DVL3: variants seen among roughly 807,000 people sequenced by gnomAD.
The protein encoded by DVL3 is segment polarity protein dishevelled homolog DVL-3.
A neutral mutation model predicts 67.4 loss-of-function variants in DVL3; 27 were observed. The observed-to-expected ratio is 0.40, with a 90% CI of 0.30 to 0.55. The LOEUF is 0.55. Among genes scored for constraint, DVL3 ranks in the 20% least tolerant of loss-of-function variants. DVL3 has a pLI of 0.46. For missense variants in DVL3, 819 were observed against 1,021.5 expected, an observed-to-expected ratio of 0.80 and a Z score of 2.70; for synonymous variants, 369 against 396.8, an observed-to-expected ratio of 0.93 and a Z score of 0.83.
At position 184,166,432 on chromosome 3, in the gene DVL3, T is replaced by G; in HGVS notation, c.904-14T>G. ...CCAGCACAGCTGTTTATCCCACTCC[T>G]GGTCCTTTCCCAGGTAAACGAGATC... is the stretch of plus-strand genomic sequence containing the variant. On this transcript the variant is annotated splice_polypyrimidine_tract_variant and intron_variant, in intron 8 of 14. Coordinates refer to ENST00000313143, the MANE Select transcript of DVL3 (RefSeq NM_004423.4). The surrounding 1 kb of genome is among the most constrained non-coding windows in gnomAD (Gnocchi z 6.7). 6.2e-7 allele frequency: 1 copy of G among 1,614,160 alleles called. No homozygotes were observed. Among genetic ancestry groups the G allele is most frequent in the Non-Finnish European group, 8.5e-7 (1 of 1,179,992 alleles).
rs1387462694 is a variant in DVL3 at position 184,170,689 on chromosome 3, C to T, written c.2085C>T (p.Thr695=). The change falls in exon 15 of 15, where the codon ACC becomes ACT. Residue 695 remains threonine (T), a synonymous_variant. Transcript: ENST00000313143. This position sits in a 1 kb window ranked among gnomAD's most constrained non-coding sequence, Gnocchi z 6.5. Reference sequence around the variant, plus strand: ...TGGCCTCAGTGCCCCCGGAACTGACCGCCAGCAGACAGTCCTTCCGCATGG... The same window carrying T: ...TGGCCTCAGTGCCCCCGGAACTGACTGCCAGCAGACAGTCCTTCCGCATGG... ...RDLASVPPEL[T]ASRQSFRMAM... is the part of the protein sequence containing the mutation. 6 of 1,613,598 alleles carry T rather than the reference C, an allele frequency of 3.7e-6. No individual in the cohort carries two copies. The highest frequency in any genetic ancestry group is 5.1e-6 in the Non-Finnish European group (6 of 1,179,908).
intron 1 of DVL3, among the ~76,000 whole-genome samples, chr3:184,162,179 A>ATTTTT (rs34375222): frequency 2.8e-5 from 4 of 144,052 alleles, no homozygotes; most frequent in African/African-American, 1.0e-4. Flanking sequence ...AATGACAGCA[A>ATTTTT]TTTTTTTTTT....
In DVL3 at chr3:184,169,995, C is replaced by G. The variant is rs895072933; in HGVS notation, c.1499-11C>G. 3 of 1,593,598 alleles carry G rather than the reference C, an allele frequency of 1.9e-6. No homozygotes were observed. ...GAAAGACCTAGCTCCATCCGGCCCT[C>G]CCCTTCACAGACATGGCCAACCTGT... On this transcript the variant is annotated splice_polypyrimidine_tract_variant and intron_variant, in intron 13 of 14. Coordinates refer to ENST00000313143, the MANE Select transcript of DVL3 (RefSeq NM_004423.4).
Position 184,170,121 on chromosome 3 carries a change from C to G in DVL3, c.1614C>G (p.Tyr538Ter). 6.2e-7 allele frequency: 1 copy of G among 1,613,926 alleles called. No homozygotes were observed. Among genetic ancestry groups the G allele is most frequent in the African/African-American group, 1.3e-5 (1 of 75,064 alleles). Residue 538 changes from tyrosine to a stop codon, truncating the protein, a stop_gained, in exon 14 of 15, where the codon TAC becomes TAG. Coordinates refer to ENST00000313143, the MANE Select transcript of DVL3 (RefSeq NM_004423.4). LOFTEE classifies it high-confidence loss of function. The surrounding 1 kb of genome is among the most constrained non-coding windows in gnomAD (Gnocchi z 6.5). ...GAAPWPMAFP[Y>*]QYPPPPHPYN... ...CCCCTTGGCCCATGGCTTTCCCGTA[C>G]CAGTACCCGCCACCCCCGCACCCAT...
rs763811429 is a variant in DVL3 at position 184,170,756 on chromosome 3, G to A, written c.*1G>A. ...TGAGTTCTTTGTGGATGTGATGTGAGCAGGGCCCCTCCCCCAGCTCCATTC... is the reference window on the plus strand; with the variant it reads ...TGAGTTCTTTGTGGATGTGATGTGAACAGGGCCCCTCCCCCAGCTCCATTC... On this transcript the variant is annotated 3_prime_UTR_variant, in exon 15 of 15. Transcript: ENST00000313143. The surrounding 1 kb of genome is among the most constrained non-coding windows in gnomAD (Gnocchi z 6.5). The A allele has an allele frequency of 6.2e-7, 1 of 1,613,026 alleles. No homozygotes were observed. The highest frequency in any genetic ancestry group is 1.1e-5 in the South Asian group (1 of 91,060).
rs1714803490 is a variant in DVL3 at position 184,170,775 on chromosome 3, T to C, written c.*20T>C. On this transcript the variant is annotated 3_prime_UTR_variant, in exon 15 of 15. Transcript: ENST00000313143. This position sits in a 1 kb window ranked among gnomAD's most constrained non-coding sequence, Gnocchi z 6.5. ...ATGTGAGCAGGGCCCCTCCCCCAGC[T>C]CCATTCCGCTCCCACCCCAGCCGGC... 2 of 1,611,272 alleles carry C rather than the reference T, an allele frequency of 1.2e-6. No individual in the cohort carries two copies. Among genetic ancestry groups the C allele is most frequent in the Non-Finnish European group, 1.7e-6 (2 of 1,179,258 alleles).
Position 184,166,362 on chromosome 3 carries a change from G to A in DVL3, c.904-84G>A. 1 of 1,608,220 alleles carries A rather than the reference G, an allele frequency of 6.2e-7. No homozygotes were observed. The highest frequency in any genetic ancestry group is 8.5e-7 in the Non-Finnish European group (1 of 1,175,520). On this transcript the variant is annotated intron_variant, in intron 8 of 14. Transcript: ENST00000313143. This position sits in a 1 kb window ranked among gnomAD's most constrained non-coding sequence, Gnocchi z 6.7. ...CTTCAGAGGCCCCTTCTTGGTTGGGGGAAGACTCCCTGACCTACCAAGTTG... is the reference window on the plus strand; with the variant it reads ...CTTCAGAGGCCCCTTCTTGGTTGGGAGAAGACTCCCTGACCTACCAAGTTG...
chr3:184,159,821 C>G lies in DVL3; in HGVS notation c.162-3836C>G, dbSNP rs1427094964. On this transcript the variant is annotated intron_variant, in intron 1 of 14. Coordinates refer to ENST00000313143, the MANE Select transcript of DVL3 (RefSeq NM_004423.4). ...AGTCTCTCTGAGAACAAGGCAGGCT[C>G]TGGGTCTGATGTTTCATGAGAAAAC... 2.6e-5 allele frequency among the ~76,000 whole-genome samples: 4 copies of G among 152,208 alleles called. No individual in the cohort carries two copies. In the East Asian group the frequency reaches 7.7e-4, roughly 29 times the overall value.
chr3:184,170,606 A>G lies in DVL3; in HGVS notation c.2002A>G (p.Met668Val). 1 of 1,496,158 alleles carries G rather than the reference A, an allele frequency of 6.7e-7. No individual in the cohort carries two copies. Among genetic ancestry groups the G allele is most frequent in the Non-Finnish European group, 9.0e-7 (1 of 1,111,918 alleles). 92.7% of individuals were successfully genotyped at this position (1,496,158 alleles called of 1,614,324 possible). A position where few individuals can be genotyped will look rare whatever the true frequency, so the allele number is the denominator to read the frequency against. The change falls in exon 15 of 15, where the codon ATG (methionine) becomes GTG (valine). Residue 668 changes from methionine to valine, a missense_variant. Physicochemically the swap from Met to Val is conservative, Grantham distance 21. Coordinates refer to ENST00000313143, the MANE Select transcript of DVL3 (RefSeq NM_004423.4). This position sits in a 1 kb window ranked among gnomAD's most constrained non-coding sequence, Gnocchi z 6.5. ...CCCTCTCTACGGCCCCCCCATGCTG[A>G]TGATGCCCCCGCCGCCCGCGGCCAT... ...VPPLYGPPML[M>V]MPPPPAAMGP...
Position 184,155,827 on chromosome 3 carries a change from G to GC in DVL3, c.161+35dup, listed in dbSNP as rs777868813. ...GATGGCCCCCGCCCCGCCTCCGGGAGCCCCGGCCGCTCTGGCTTCTAAGGG... is the reference window on the plus strand; with the variant it reads ...GATGGCCCCCGCCCCGCCTCCGGGAGCCCCCGGCCGCTCTGGCTTCTAAGGG... On this transcript the variant is annotated intron_variant, in intron 1 of 14. Coordinates refer to ENST00000313143, the MANE Select transcript of DVL3 (RefSeq NM_004423.4). This position sits in a 1 kb window ranked among gnomAD's most constrained non-coding sequence, Gnocchi z 5.4. 1.3e-5 allele frequency: 21 copies of GC among 1,579,616 alleles called. No homozygotes were observed. The highest frequency in any genetic ancestry group is 3.4e-5 in the Admixed American group (2 of 58,146).
At chr3:184,161,655 C>T (rs1714386037) in intron 1 of DVL3, among the ~76,000 whole-genome samples, 1 of 152,146 alleles carries the variant, frequency 6.6e-6, no homozygotes, top group Admixed American at 6.5e-5. Flanking sequence ...CCACATTCCC[C>T]CGGCCAAACT....
Position 184,166,266 on chromosome 3 carries a change from G to GT in DVL3, c.903+2dup. ...CGAGCCAGGAGATATGTTGTTACAGGTATCAGTGCCCATCCTAGGCGGTGG... is the reference window on the plus strand; with the variant it reads ...CGAGCCAGGAGATATGTTGTTACAGGTTATCAGTGCCCATCCTAGGCGGTGG... On this transcript the variant is annotated splice_donor_variant, in intron 8 of 14. Coordinates refer to ENST00000313143, the MANE Select transcript of DVL3 (RefSeq NM_004423.4). LOFTEE classifies it high-confidence loss of function. This position sits in a 1 kb window ranked among gnomAD's most constrained non-coding sequence, Gnocchi z 6.7. The GT allele has an allele frequency of 6.2e-7, 1 of 1,612,542 alleles. No homozygotes were observed. Among genetic ancestry groups the GT allele is most frequent in the East Asian group, 2.2e-5 (1 of 44,862 alleles).
rs760208714 is a variant in DVL3, at chr3:184,165,205, G to A, written c.692G>A (p.Arg231Gln). The A allele has an allele frequency of 1.2e-5, 19 of 1,587,734 alleles. No homozygotes were observed. The highest frequency in any genetic ancestry group is 2.7e-5 in the African/African-American group (2 of 74,344). ...AAGCAGAAGGTTTCTCGGATTGAGC[G>A]GGTATGGGGTCTGGGAGGCTAGGGA... is the stretch of plus-strand genomic sequence containing the variant. ...RRKQKVSRIE[R>Q]SSSFSSITDS... is the part of the protein sequence containing the mutation. The change falls in exon 6 of 15, where the codon CGG becomes CAG. Residue 231 changes from arginine to glutamine, a missense_variant and splice_region_variant. Arg to Gln is a conservative substitution (Grantham distance 43). Transcript: ENST00000313143. This position sits in a 1 kb window ranked among gnomAD's most constrained non-coding sequence, Gnocchi z 4.1.
chr3:184,166,103 AG>A lies in DVL3; in HGVS notation c.764-21del. Reference sequence around the variant, plus strand: ...CGGGTAGGAACCTTGCTCCCCCTTAAGGTCTTAAATTACTCTCTATAGAAAA... The same window carrying A: ...CGGGTAGGAACCTTGCTCCCCCTTAAGTCTTAAATTACTCTCTATAGAAAA... On this transcript the variant is annotated intron_variant, in intron 7 of 14. Coordinates refer to ENST00000313143, the MANE Select transcript of DVL3 (RefSeq NM_004423.4). The surrounding 1 kb of genome is among the most constrained non-coding windows in gnomAD (Gnocchi z 6.7). 1.2e-6 allele frequency: 2 copies of A among 1,610,200 alleles called. No individual in the cohort carries two copies. The highest frequency in any genetic ancestry group is 1.7e-6 in the Non-Finnish European group (2 of 1,179,182).
In DVL3 at chr3:184,167,124, C is replaced by A. The variant is rs1285848214; in HGVS notation, c.1198+149C>A. ...CAGCAACCCCACACTGCAACTCCCCCACAGCGGGCACTCCAACCCTCACTA... is the reference window on the plus strand; with the variant it reads ...CAGCAACCCCACACTGCAACTCCCCAACAGCGGGCACTCCAACCCTCACTA... On this transcript the variant is annotated intron_variant, in intron 11 of 14. Coordinates refer to ENST00000313143, the MANE Select transcript of DVL3 (RefSeq NM_004423.4). This position sits in a 1 kb window ranked among gnomAD's most constrained non-coding sequence, Gnocchi z 4.6. The A allele has an allele frequency of 7.1e-6, 7 of 988,714 alleles. No individual in the cohort carries two copies. Among genetic ancestry groups the A allele is most frequent in the East Asian group, 2.4e-5 (1 of 40,964 alleles). 61.2% of individuals were successfully genotyped at this position (988,714 alleles called of 1,614,324 possible).
rs1316336179 is a variant in DVL3, at chr3:184,165,901, T to A, written c.764-225T>A. On this transcript the variant is annotated intron_variant, in intron 7 of 14. Coordinates refer to ENST00000313143, the MANE Select transcript of DVL3 (RefSeq NM_004423.4). The surrounding 1 kb of genome is among the most constrained non-coding windows in gnomAD (Gnocchi z 4.1). ...ACTTACTGGCTTAGAAAAGTCATCT[T>A]CTAAGTTCACTGAACCTCAGTTGCC... Among the ~76,000 whole-genome samples, 1 of 152,228 alleles carries A rather than the reference T, an allele frequency of 6.6e-6. No individual in the cohort carries two copies. The highest frequency in any genetic ancestry group is 1.5e-5 in the Non-Finnish European group (1 of 68,032).
At position 184,166,394 on chromosome 3, in the gene DVL3, C is replaced by T. The variant is rs1485939916; in HGVS notation, c.904-52C>T. 36 of 1,612,910 alleles carry T rather than the reference C, an allele frequency of 2.2e-5. No homozygotes were observed. Among genetic ancestry groups the T allele is most frequent in the Non-Finnish European group, 3.1e-5 (36 of 1,179,088 alleles). On this transcript the variant is annotated intron_variant, in intron 8 of 14. Transcript: ENST00000313143. This position sits in a 1 kb window ranked among gnomAD's most constrained non-coding sequence, Gnocchi z 6.7. ...TCCCTGACCTACCAAGTTGAGTTCC[C>T]TTTTCATCCTCCCCAGCACAGCTGT...
In DVL3 at chr3:184,165,514, C is replaced by T; in HGVS notation, c.763+23C>T. ...TGGGTGAGTCTGAGGAAACAGCACT[C>T]TCAAGCACCTGCTATATGCCAGACA... On this transcript the variant is annotated intron_variant, in intron 7 of 14. Coordinates refer to ENST00000313143, the MANE Select transcript of DVL3 (RefSeq NM_004423.4). This position sits in a 1 kb window ranked among gnomAD's most constrained non-coding sequence, Gnocchi z 4.1. The T allele has an allele frequency of 6.2e-7, 1 of 1,603,946 alleles. No homozygotes were observed. Among genetic ancestry groups the T allele is most frequent in the Admixed American group, 1.7e-5 (1 of 59,986 alleles).
At position 184,164,848 on chromosome 3, in the gene DVL3, T is replaced by C. The variant is rs202225705; in HGVS notation, c.516T>C (p.Gly172=). The change falls in exon 5 of 15, where the codon GGT becomes GGC. Residue 172 remains glycine (G), a synonymous_variant. Transcript: ENST00000313143. The surrounding 1 kb of genome is among the most constrained non-coding windows in gnomAD (Gnocchi z 5.3). ...GGGAACGGCGGCGAGAACCAGGGGG[T>C]TATGATAGCTCATCCACCCTTATGA... The part of the protein sequence containing the change: ...AKGERRREPG[G]YDSSSTLMSS... 2.0e-4 allele frequency: 320 copies of C among 1,613,814 alleles called. No homozygotes were observed. The highest frequency in any genetic ancestry group is 1.6e-3 in the Admixed American group (95 of 59,976).
Sources: gnomAD v4.1 joint callset for allele counts (sites outside exome capture counted in the v4.1 genomes callset) on GRCh38, gnomAD v4.1.1 for gene constraint, Gnocchi (gnomAD v3.1) non-coding constraint, MANE v1.5 for transcripts, NCBI Gene and HGNC (gene_info 2026-07-23, HGNC 2026-07-21) for gene names.